Variants in CCL17 observed in about 807,000 individuals in gnomAD.
The protein encoded by CCL17 is C-C motif chemokine 17.
In CCL17, 8 loss-of-function variants were observed where a neutral mutation model predicts 7.4. The ratio of observed to expected loss-of-function variants is 1.09; its 90% CI spans 0.64 to 1.96. The LOEUF (loss-of-function observed/expected upper bound fraction) is 1.96. CCL17 is among the 30% of genes most tolerant of loss of function. The pLI is 0.00. For synonymous variants in CCL17, 40 were observed against 46.1 expected (o/e 0.87, Z 0.54); for missense variants, 102 against 113.0 (o/e 0.90, Z 0.44).
At position 57,411,261 on chromosome 16, in the gene CCL17, A is replaced by G. The variant is rs565167587; in HGVS notation, c.-59-2613A>G. ...TTCCCCCGCCCTTACCCACTGTGAA[A>G]CCCCACAACAGCAGGGTCGGGCCTC... is the stretch of plus-strand genomic sequence containing the variant. On this transcript the variant is annotated intron_variant, in intron 1 of 3. Transcript: ENST00000219244. Among the ~76,000 whole-genome samples the G allele has an allele frequency of 4.6e-5, 7 of 151,708 alleles. No homozygotes were observed. The South Asian group carries it at 1.5e-3, about 32-fold the overall frequency.
rs567664586 is a variant in CCL17, at chr16:57,415,084, G to T, written c.74G>T (p.Arg25Leu). Residue 25 changes from arginine to leucine, a missense_variant, in exon 3 of 4, where the codon CGA (arginine) becomes CTA (leucine). Coordinates refer to ENST00000219244, the MANE Select transcript of CCL17 (RefSeq NM_002987.3). This position sits in a 1 kb window ranked among gnomAD's most constrained non-coding sequence, Gnocchi z 4.5. ...GASLQHIHAA[R>L]GTNVGRECCL... ...TGCCCCGCTCCTCTCCCTGCAGCTC[G>T]AGGGACCAATGTGGGCCGGGAGTGC... is the stretch of plus-strand genomic sequence containing the variant. 4.0e-5 allele frequency: 65 copies of T among 1,610,580 alleles called. No homozygotes were observed. Among genetic ancestry groups the T allele is most frequent in the Non-Finnish European group, 4.9e-5 (58 of 1,177,058 alleles).
chr16:57,397,778 A>G, the CCL17 span, among the ~76,000 whole-genome samples: 1 of 152,144 alleles, frequency 6.6e-6, no homozygotes, highest in African/African-American at 2.4e-5. Context: ...TCCCAGTTCT[A>G]AGGCTTGGGT....
upstream of CCL17, among the ~76,000 whole-genome samples, chr16:57,402,418 A>G (rs920455605): frequency 1.3e-5 from 2 of 152,164 alleles, no homozygotes; most frequent in African/African-American, 4.8e-5. Flanking sequence ...CTGGTGCTGA[A>G]CAGATCTTCC....
chr16:57,414,544 G>A (rs948821270), intron 2 of CCL17, among the ~76,000 whole-genome samples: 2 of 140,822 alleles, frequency 1.4e-5, no homozygotes, highest in African/African-American at 5.2e-5. Context: ...TCAGCCTCCC[G>A]AGTAGCTGGG....
At chr16:57,403,641 A>ATATATTTAT (rs1902651876), upstream of CCL17, among the ~76,000 whole-genome samples, 1 of 73,550 alleles carries the variant, frequency 1.4e-5, no homozygotes, top group African/African-American at 7.6e-5. Context: ...TATATATTAT[A>ATATATTTAT]AATATATATA....
intron 1 of CCL17, among the ~76,000 whole-genome samples, chr16:57,412,295 G>A (rs929782592): frequency 6.6e-5 from 10 of 152,170 alleles, no homozygotes; most frequent in Non-Finnish European, 1.0e-4. Flanking sequence ...AGCAGCCACA[G>A]GCTCCCAGGC....
At chr16:57,406,543 A>G (rs552918561) in intron 1 of CCL17, among the ~76,000 whole-genome samples, 76 of 152,198 alleles carry the variant, frequency 5.0e-4, no homozygotes, top group African/African-American at 1.8e-3. Flanking sequence ...CCCTGCCCCA[A>G]CACCCACCCC....
chr16:57,410,811 C>T (rs773350571), intron 1 of CCL17, among the ~76,000 whole-genome samples: 4 of 152,208 alleles, frequency 2.6e-5, no homozygotes, highest in Admixed American at 6.5e-5. Context: ...GCATCCATCT[C>T]GCCTTCCCTT....
At chr16:57,398,597 G>GT in the CCL17 span, among the ~76,000 whole-genome samples, 1 of 143,988 alleles carries the variant, frequency 6.9e-6, no homozygotes, top group Non-Finnish European at 1.5e-5. Context: ...CCCTGCAACT[G>GT]TTTTAATGTC....
intron 1 of CCL17, among the ~76,000 whole-genome samples, chr16:57,407,674 A>T (rs2146535489): frequency 6.6e-6 from 1 of 152,006 alleles, no homozygotes; most frequent in East Asian, 1.9e-4. Flanking sequence ...CAGTCCATCC[A>T]TCTGCTCACC....
intron 1 of CCL17, among the ~76,000 whole-genome samples, chr16:57,410,981 C>T (rs74019513): frequency 1.4e-3 from 212 of 152,320 alleles, no homozygotes; most frequent in African/African-American, 4.8e-3. Flanking sequence ...TGCCCCATGC[C>T]GGGGTTTCAT....
chr16:57,401,244 C>A (rs1396080675), upstream of CCL17, among the ~76,000 whole-genome samples: 2 of 151,954 alleles, frequency 1.3e-5, no homozygotes, highest in Non-Finnish European at 2.9e-5. Flanking sequence ...CATGAACAGG[C>A]CCGGTGTGGT....
chr16:57,400,125 G>T (rs1016920717), upstream of CCL17, among the ~76,000 whole-genome samples: 3 of 151,770 alleles, frequency 2.0e-5, no homozygotes, highest in Admixed American at 2.0e-4. Context: ...TTTGGGAGGC[G>T]GAGGTGGGCG....
chr16:57,415,093 A>G lies in CCL17; in HGVS notation c.83A>G (p.Asn28Ser). 3 of 1,613,316 alleles carry G rather than the reference A, an allele frequency of 1.9e-6. No homozygotes were observed. Among genetic ancestry groups the G allele is most frequent in the Non-Finnish European group, 2.5e-6 (3 of 1,179,322 alleles). The change falls in exon 3 of 4, where the codon AAT (asparagine) becomes AGT (serine). Residue 28 changes from asparagine to serine, a missense_variant. Coordinates refer to ENST00000219244, the MANE Select transcript of CCL17 (RefSeq NM_002987.3). This position sits in a 1 kb window ranked among gnomAD's most constrained non-coding sequence, Gnocchi z 4.5. ...CCTCTCCCTGCAGCTCGAGGGACCA[A>G]TGTGGGCCGGGAGTGCTGCCTGGAG... ...LQHIHAARGT[N>S]VGRECCLEYF... is the part of the protein sequence containing the mutation.
intron 1 of CCL17, among the ~76,000 whole-genome samples, chr16:57,408,866 G>A (rs1031703711): frequency 2.6e-5 from 4 of 151,864 alleles, no homozygotes; most frequent in East Asian, 1.9e-4. Flanking sequence ...GAGCCACTGC[G>A]CCTGGTCATT....
At chr16:57,404,510 G>A (rs1902666865), upstream of CCL17, among the ~76,000 whole-genome samples, 1 of 151,976 alleles carries the variant, frequency 6.6e-6, no homozygotes, top group South Asian at 2.1e-4. Flanking sequence ...GCAGGTGTAG[G>A]GGTGGGTGGG....
At chr16:57,404,989 C>T (rs1487304319) in intron 1 of CCL17, among the ~76,000 whole-genome samples, 153 bp downstream of exon 1, 1 of 152,120 alleles carries the variant, frequency 6.6e-6, no homozygotes, top group Non-Finnish European at 1.5e-5. Context: ...TTGGAAGCAG[C>T]AAACCAAGTC....
At chr16:57,409,072 CAAAAG>C (rs1327220654) in intron 1 of CCL17, among the ~76,000 whole-genome samples, 3 of 152,188 alleles carry the variant, frequency 2.0e-5, no homozygotes. Context: ...AGTTGGAACA[CAAAAG>C]AGATCCTTCA....
chr16:57,415,027 G>A lies in CCL17; in HGVS notation c.71-54G>A, dbSNP rs1033167107. On this transcript the variant is annotated intron_variant, in intron 2 of 3. Transcript: ENST00000219244. The surrounding 1 kb of genome is among the most constrained non-coding windows in gnomAD (Gnocchi z 4.5). Reference sequence around the variant, plus strand: ...CCACGAACACCCCCCAGAGGTCCCCGCAACACACACGCAGACACTCACAGA... The same window carrying A: ...CCACGAACACCCCCCAGAGGTCCCCACAACACACACGCAGACACTCACAGA... The A allele has an allele frequency of 8.3e-6, 10 of 1,209,540 alleles. No homozygotes were observed. The highest frequency in any genetic ancestry group is 1.5e-5 in the African/African-American group (1 of 66,704). The allele number at this position is 1,209,540 out of a possible 1,614,324, so 74.9% of individuals were successfully genotyped here. A position where few individuals can be genotyped will look rare whatever the true frequency, so the allele number is the denominator to read the frequency against.
Sources: allele counts gnomAD v4.1 joint callset (sites outside exome capture counted in the v4.1 genomes callset), GRCh38; gene constraint gnomAD v4.1.1; non-coding constraint Gnocchi (gnomAD v3.1); transcripts MANE v1.5; gene names NCBI Gene and HGNC (gene_info 2026-07-23, HGNC 2026-07-21).